NEB: variants seen among roughly 807,000 people sequenced by gnomAD.
NEB encodes nemaline myopathy type 2.
In NEB, 512 loss-of-function variants were observed where a neutral mutation model predicts 952.2. The observed-to-expected ratio is 0.54, with a 90% CI of 0.50 to 0.58. NEB has a LOEUF of 0.58. Among genes scored for constraint, NEB ranks in the 20% least tolerant of loss-of-function variants. NEB has a pLI of 0.00. For synonymous variants in NEB, 2,900 were observed against 3,149.8 expected (o/e 0.92, Z 2.66); for missense variants, 8,428 against 9,231.1 (o/e 0.91, Z 3.56).
intron 120 of NEB, 118 bp downstream of exon 120, chr2:151,562,493 G>C: frequency 9.2e-7 from 1 of 1,091,972 alleles, no homozygotes. Flanking sequence ...TTTGTTTTGA[G>C]AAGCAGCAAG....
At position 151,506,939 on chromosome 2, in the gene NEB, A is replaced by G; in HGVS notation, c.23526T>C (p.Arg7842=). 1 of 1,610,620 alleles carries G rather than the reference A, an allele frequency of 6.2e-7. No homozygotes were observed. Among genetic ancestry groups the G allele is most frequent in the Non-Finnish European group, 8.5e-7 (1 of 1,177,618 alleles). ...TVVQDTPEIL[R]VKENQKNFSS... ...TGAAATTCTTCTGATTTTCTTTTAC[A>G]CGCAGTATTTCTGGCGTGTCTTGAA... is the stretch of plus-strand genomic sequence containing the variant. Residue 7842 remains arginine, a synonymous_variant, in exon 163 of 182, where the codon CGT becomes CGC. Coordinates refer to ENST00000397345, the MANE Select transcript of NEB (RefSeq NM_001164508.2).
chr2:151,675,099 C>T (rs934029745), intron 35 of NEB, among the ~76,000 whole-genome samples, 188 bp downstream of exon 35: 1 of 152,108 alleles, frequency 6.6e-6, no homozygotes, highest in Non-Finnish European at 1.5e-5. Flanking sequence ...AATGTTATGT[C>T]CTTTAAAATT....
chr2:151,701,391 G>A (rs1420444105), intron 13 of NEB, among the ~76,000 whole-genome samples: 2 of 151,154 alleles, frequency 1.3e-5, no homozygotes, highest in South Asian at 2.1e-4. Flanking sequence ...AAATGAGTTA[G>A]GGAGGATTCC....
At position 151,492,377 on chromosome 2, in the gene NEB, C is replaced by T. The variant is rs2152826984; in HGVS notation, c.24873+10G>A. On this transcript the variant is annotated intron_variant, in intron 177 of 181. Coordinates refer to ENST00000397345, the MANE Select transcript of NEB (RefSeq NM_001164508.2). ...GGCAGCCAGCCAATCCTAAAGAATT[C>T]CTGACTCACCGTTGAGATGTGCCGT... 1 of 1,595,958 alleles carries T rather than the reference C, an allele frequency of 6.3e-7. No individual in the cohort carries two copies. The highest frequency in any genetic ancestry group is 8.6e-7 in the Non-Finnish European group (1 of 1,169,518).
At chr2:151,723,750 G>GGTTTTTTTTTTT (rs1553685530) in intron 8 of NEB, among the ~76,000 whole-genome samples, 2 of 51,364 alleles carry the variant, frequency 3.9e-5, no homozygotes, top group African/African-American at 7.2e-5. Flanking sequence ...TGCCTTCTTT[G>GGTTTTTTTTTTT]TTTTTTTTTT....
intron 170 of NEB, 136 bp downstream of exon 170, chr2:151,498,124 A>G: frequency 2.0e-6 from 3 of 1,511,716 alleles, no homozygotes; most frequent in Non-Finnish European, 2.7e-6. Flanking sequence ...TAGAAATGGG[A>G]AAGTATATCC....
At chr2:151,511,412 G>C (rs1300678179) in intron 161 of NEB, among the ~76,000 whole-genome samples, 1 of 152,076 alleles carries the variant, frequency 6.6e-6, no homozygotes, top group Non-Finnish European at 1.5e-5. Flanking sequence ...CCAGTAAAGG[G>C]TTGAAATCCT....
chr2:151,661,447 G>A (rs550368508), intron 46 of NEB, among the ~76,000 whole-genome samples: 143 of 152,208 alleles, frequency 9.4e-4, no homozygotes, highest in African/African-American at 3.4e-3. Flanking sequence ...ACTGTTTCAC[G>A]TTTAGATCCA....
rs143782058 is a variant in NEB, at chr2:151,716,297, C to T, written c.822+1119G>A. ...GAGATTACAGGCGCCCGCCACCACG[C>T]CTGGCTAATTTTTTGTATTGTTAGT... is the stretch of plus-strand genomic sequence containing the variant. On this transcript the variant is annotated intron_variant, in intron 10 of 181. Coordinates refer to ENST00000397345, the MANE Select transcript of NEB (RefSeq NM_001164508.2). The T allele has an allele frequency of 5.9e-3, 1,682 of 284,088 alleles. 30 individuals carry two copies. The highest frequency in any genetic ancestry group is 0.035 in the African/African-American group (1,560 of 44,792). 17.6% of individuals were successfully genotyped at this position (284,088 alleles called of 1,614,324 possible).
At chr2:151,695,489 A>G (rs1394108360) in intron 18 of NEB, 89 bp downstream of exon 18, 1 of 884,310 alleles carries the variant, frequency 1.1e-6, no homozygotes, top group Non-Finnish European at 1.8e-6. Context: ...TTTTAACATT[A>G]ATCTATTCAT....
At position 151,643,838 on chromosome 2, in the gene NEB, C is replaced by T; in HGVS notation, c.7936G>A (p.Ala2646Thr). The T allele has an allele frequency of 4.3e-6, 7 of 1,613,656 alleles. No individual in the cohort carries two copies. The highest frequency in any genetic ancestry group is 2.2e-5 in the East Asian group (1 of 44,878). Residue 2646 changes from alanine to threonine, a missense_variant, in exon 57 of 182, where the codon GCC becomes ACC. Ala to Thr is a moderately conservative substitution (Grantham distance 58, BLOSUM62 0). This residue lies in a region of NEB where 1,772 missense variants were observed against 1,960.3 expected (regional missense o/e 0.90). Coordinates refer to ENST00000397345, the MANE Select transcript of NEB (RefSeq NM_001164508.2). Reference sequence around the variant, plus strand: ...CTCACATCGCTCTGGAGGTCATAGGCCTGCCGAGCATGGATGACATCGCTC... The same window carrying T: ...CTCACATCGCTCTGGAGGTCATAGGTCTGCCGAGCATGGATGACATCGCTC... The part of the protein sequence containing the change: ...DQSDVIHARQ[A>T]YDLQSDNLYK...
chr2:151,551,437 G>A (rs1025546852), intron 129 of NEB, among the ~76,000 whole-genome samples: 2 of 152,134 alleles, frequency 1.3e-5, no homozygotes, highest in African/African-American at 4.8e-5. Context: ...GAGGTTAAAG[G>A]CCTTGTCTCT....
At chr2:151,660,203 T>C (rs1362008350) in intron 46 of NEB, among the ~76,000 whole-genome samples, 2 of 152,222 alleles carry the variant, frequency 1.3e-5, no homozygotes, top group Admixed American at 1.3e-4. Flanking sequence ...TCTGTGGGAC[T>C]GGCCAAGACT....
At chr2:151,640,763 C>T in intron 60 of NEB, 97 bp from the exon 61 acceptor site, 3 of 1,197,018 alleles carry the variant, frequency 2.5e-6, no homozygotes, top group Non-Finnish European at 3.4e-6. Context: ...AAAAAATTTT[C>T]CCTGAATATG....
chr2:151,639,482 GTTATGTGTTTTATACACA>G, intron 62 of NEB, 98 bp from the exon 63 acceptor site: 2 of 908,592 alleles, frequency 2.2e-6, no homozygotes, highest in Non-Finnish European at 3.2e-6. Context: ...AAAAGAAAAG[GTTATGTGTTTTATACACA>G]TTATGTGTTT....
At chr2:151,556,439 C>T (rs934950550) in intron 124 of NEB, among the ~76,000 whole-genome samples, 20 of 152,156 alleles carry the variant, frequency 1.3e-4, no homozygotes, top group Admixed American at 4.6e-4. Flanking sequence ...ATGGTCAAAA[C>T]ATGTTTGAGA....
At chr2:151,513,478 G>T (rs1195140481) in intron 160 of NEB, 102 bp downstream of exon 160, 4 of 802,072 alleles carry the variant, frequency 5.0e-6, no homozygotes, top group Non-Finnish European at 8.1e-6. Context: ...GCCATTGTAT[G>T]CATGTGACTG....
intron 158 of NEB, among the ~76,000 whole-genome samples, 156 bp from the exon 159 acceptor site, chr2:151,514,584 A>C (rs1575752302): frequency 6.6e-6 from 1 of 152,378 alleles, no homozygotes; most frequent in South Asian, 2.1e-4. Context: ...TGATCAGTTA[A>C]CATTAAATAT....
chr2:151,562,642 C>G lies in NEB; in HGVS notation c.18860G>C (p.Arg6287Pro), dbSNP rs200195063. Residue 6287 changes from arginine to proline, a missense_variant, in exon 120 of 182, where the codon CGC becomes CCC. By Grantham distance (103) the Arg-to-Pro change is moderately radical. This residue lies in a region of NEB where 3,374 missense variants were observed against 3,651.5 expected (regional missense o/e 0.92). Transcript: ENST00000397345. Reference sequence around the variant, plus strand: ...CAAGATCTCCTGGGCGTTTCGGACGCGTATAACATTGGGTTCTTCCAGAAG... The same window carrying G: ...CAAGATCTCCTGGGCGTTTCGGACGGGTATAACATTGGGTTCTTCCAGAAG... The part of the protein sequence containing the change: ...TSLLEEPNVI[R>P]VRNAQEILSD... 1 of 1,585,960 alleles carries G rather than the reference C, an allele frequency of 6.3e-7. No homozygotes were observed. Among genetic ancestry groups the G allele is most frequent in the Non-Finnish European group, 8.6e-7 (1 of 1,158,832 alleles).
Sources: gnomAD v4.1 joint callset for allele counts (sites outside exome capture counted in the v4.1 genomes callset) on GRCh38, gnomAD v4.1.1 for gene constraint, gnomAD v4.1.1 regional missense constraint, MANE v1.5 for transcripts, NCBI Gene and HGNC (gene_info 2026-07-23, HGNC 2026-07-21) for gene names.